The following TTC23L variants were observed in gnomAD, a reference collection of about 807,000 sequenced individuals.
The protein encoded by TTC23L is tetratricopeptide repeat domain 23 like.
In TTC23L, 42 loss-of-function variants were observed where a neutral mutation model predicts 48.1. The observed-to-expected ratio is 0.87, with a 90% confidence interval of 0.68 to 1.13. The LOEUF (loss-of-function observed/expected upper bound fraction) is 1.13. TTC23L is among the 50% of genes most tolerant of loss of function. TTC23L has a pLI of 0.00. For missense variants in TTC23L, 391 were observed against 421.0 expected (o/e 0.93, Z 0.62); for synonymous variants, 159 against 157.2 (o/e 1.01, Z -0.09).
rs1234978779 is a variant in TTC23L, at chr5:34,846,577, ATATATAT to A, written c.255+905_255+911del. ...ACTCTGTCTCAAAAAAAAAAAAAAA[ATATATAT>A]ATATATATATATATATACACACACA... On this transcript the variant is annotated intron_variant, in intron 3 of 10. Coordinates refer to ENST00000505624, the Ensembl canonical transcript of TTC23L. Among the ~76,000 whole-genome samples, 7 of 76,488 alleles carry A rather than the reference ATATATAT, an allele frequency of 9.2e-5. 1 individual carries two copies. The highest frequency in any genetic ancestry group is 3.2e-4 in the African/African-American group (4 of 12,458). 50.2% of individuals were successfully genotyped at this position (76,488 alleles called of 152,430 possible).
chr5:34,908,171 CTTTTTTTT>C, the TTC23L span: 6 of 127,216 alleles, frequency 4.7e-5, no homozygotes, highest in Non-Finnish European at 9.8e-5. Flanking sequence ...AGCCTTTAGA[CTTTTTTTT>C]TTTTTTTTTT....
At chr5:34,920,640 T>C in the TTC23L span, 2 of 152,342 alleles carry the variant, frequency 1.3e-5, no homozygotes, top group South Asian at 2.1e-4. Context: ...TTATAGGTTT[T>C]GGACAGCTGA....
At chr5:34,864,395 G>T in intron 5 of TTC23L, 42 bp from the exon 6 acceptor site, 1 of 1,609,084 alleles carries the variant, frequency 6.2e-7, no homozygotes, top group East Asian at 2.2e-5. Context: ...CTGTGCAGTG[G>T]ATGTTAGTTT....
chr5:34,903,114 AT>A (rs1257136884), downstream of TTC23L, among the ~76,000 whole-genome samples: 2 of 152,134 alleles, frequency 1.3e-5, no homozygotes, highest in Non-Finnish European at 2.9e-5. Flanking sequence ...GTGAAATAAA[AT>A]TTTATGGTGT....
At chr5:34,887,388 G>T (rs1762605822) in intron 9 of TTC23L, among the ~76,000 whole-genome samples, 1 of 152,100 alleles carries the variant, frequency 6.6e-6, no homozygotes, top group Non-Finnish European at 1.5e-5. Flanking sequence ...GGAAAATGAT[G>T]AGTGAAATGA....
intron 8 of TTC23L, among the ~76,000 whole-genome samples, chr5:34,872,772 C>T (rs1022901347): frequency 1.3e-5 from 2 of 152,144 alleles, no homozygotes; most frequent in Non-Finnish European, 2.9e-5. Context: ...GTTAAAAGAA[C>T]CGGACTTGGG....
At chr5:34,890,466 G>A (rs1172939723) in intron 9 of TTC23L, among the ~76,000 whole-genome samples, 2 of 126,550 alleles carry the variant, frequency 1.6e-5, no homozygotes, top group African/African-American at 3.0e-5. Flanking sequence ...AAAAAAAAAA[G>A]GTTGGGTATT....
the TTC23L span, chr5:34,905,496 A>G: frequency 6.6e-6 from 1 of 152,052 alleles, no homozygotes; most frequent in Non-Finnish European, 1.5e-5. Context: ...TTTTTATTAA[A>G]GTGGAATTTA....
intron 9 of TTC23L, chr5:34,888,409 CT>C (rs1364542300): frequency 1.1e-6 from 1 of 915,648 alleles, no homozygotes; most frequent in Admixed American, 6.2e-5. Context: ...AGTTAAGGTG[CT>C]TGCTATCTGA....
chr5:34,915,270 C>G, the TTC23L span: 1 of 282,832 alleles, frequency 3.5e-6, no homozygotes, highest in Non-Finnish European at 6.7e-6. Flanking sequence ...CGCCACCAGC[C>G]CCGCCTCCAA....
chr5:34,908,739 A>G, the TTC23L span: 1 of 1,545,032 alleles, frequency 6.5e-7, no homozygotes, highest in Non-Finnish European at 8.8e-7. Flanking sequence ...ATAAATGTAC[A>G]CATAAATATC....
At chr5:34,924,710 ATTTACCAAG>A in the TTC23L span, 1 of 566,342 alleles carries the variant, frequency 1.8e-6, no homozygotes, top group Non-Finnish European at 3.2e-6. Context: ...ATGATTTGCC[ATTTACCAAG>A]TTTCACCCCC....
chr5:34,885,897 A>C (rs1264305347), intron 9 of TTC23L, among the ~76,000 whole-genome samples: 1 of 152,184 alleles, frequency 6.6e-6, no homozygotes, highest in Non-Finnish European at 1.5e-5. Flanking sequence ...ACGTGGCAAA[A>C]TTGTAGCAAT....
chr5:34,859,993 G>A (rs1274255630), intron 4 of TTC23L, among the ~76,000 whole-genome samples: 6 of 151,344 alleles, frequency 4.0e-5, no homozygotes, highest in African/African-American at 9.7e-5. Flanking sequence ...ACAGGCGCCC[G>A]CCACCACGCC....
the TTC23L span, among the ~76,000 whole-genome samples, chr5:34,924,115 G>C: frequency 6.6e-6 from 1 of 152,204 alleles, no homozygotes; most frequent in African/African-American, 2.4e-5. Flanking sequence ...GCGGTTAGAT[G>C]ATGAGTCACA....
downstream of TTC23L, among the ~76,000 whole-genome samples, chr5:34,899,851 C>T (rs1007639399): frequency 5.9e-5 from 9 of 152,188 alleles, 1 homozygote; most frequent in Admixed American, 4.6e-4. Context: ...GATCATGCCA[C>T]TGCACTCCAG....
At chr5:34,871,827 G>A (rs6877989) in intron 8 of TTC23L, among the ~76,000 whole-genome samples, 47,403 of 151,832 alleles carry the variant, frequency 0.31, 7,899 homozygotes, top group South Asian at 0.47. Flanking sequence ...TAAATGTGCA[G>A]AAGTAATTCA....
chr5:34,897,368 AGC>A lies in TTC23L; in HGVS notation c.*97+494_*97+495del, dbSNP rs1376862561. Among the ~76,000 whole-genome samples, 7 of 152,288 alleles carry A rather than the reference AGC, an allele frequency of 4.6e-5. No homozygotes were observed. The East Asian group carries it at 1.3e-3, about 29-fold the overall frequency. ...CACTGCACTACAGCCTGGGCAACAG[AGC>A]AAGACTGTCTCCTAAAGAAAAATAA... On this transcript the variant is annotated intron_variant, in intron 10 of 10. Transcript: ENST00000505624.
chr5:34,850,404 C>G, intron 4 of TTC23L, 96 bp downstream of exon 4: 1 of 1,459,070 alleles, frequency 6.9e-7, no homozygotes. Flanking sequence ...TAGGAGGGCC[C>G]CTTCTTGCCC....
Sources: gnomAD v4.1 joint callset for allele counts (sites outside exome capture counted in the v4.1 genomes callset) on GRCh38, gnomAD v4.1.1 for gene constraint, MANE v1.5 for transcripts, NCBI Gene and HGNC (gene_info 2026-07-23, HGNC 2026-07-21) for gene names.